Variants in FLNB observed in about 807,000 individuals in gnomAD.
FLNB encodes the protein filamin B, also known as filamin-B.
In FLNB, 111 loss-of-function variants were observed where a neutral mutation model predicts 250.6. The ratio of observed to expected loss-of-function variants is 0.44; its 90% CI spans 0.38 to 0.52. The LOEUF (loss-of-function observed/expected upper bound fraction) is 0.52. FLNB is among the 20% of genes least tolerant of loss of function. The pLI, the probability that FLNB is intolerant of heterozygous loss-of-function variation, is 0.00. For missense variants in FLNB, 2,869 were observed against 3,447.8 expected (o/e 0.83, Z 4.20); for synonymous variants, 1,302 against 1,372.1 (o/e 0.95, Z 1.13).
intron 18 of FLNB, among the ~76,000 whole-genome samples, chr3:58,114,289 A>G (rs2097274169): frequency 6.6e-6 from 1 of 151,948 alleles, no homozygotes; most frequent in African/African-American, 2.4e-5. Context: ...TATTTTTAGT[A>G]TAGATGTTTC....
At position 58,041,733 on chromosome 3, in the gene FLNB, A is replaced by G. The variant is rs1421519856; in HGVS notation, c.292+32877A>G. ...GTTATGTGCTTGGGTCACCTGGGTCATGTTTTTGAAATTGCCTCAAGCCTA... is the reference window on the plus strand; with the variant it reads ...GTTATGTGCTTGGGTCACCTGGGTCGTGTTTTTGAAATTGCCTCAAGCCTA... On this transcript the variant is annotated intron_variant, in intron 1 of 45. Coordinates refer to ENST00000295956, the MANE Select transcript of FLNB (RefSeq NM_001457.4). Among the ~76,000 whole-genome samples, 4 of 152,294 alleles carry G rather than the reference A, an allele frequency of 2.6e-5. No individual in the cohort carries two copies. In the East Asian group the frequency reaches 7.7e-4, roughly 29 times the overall value.
At chr3:58,082,273 A>G (rs78796195) in intron 4 of FLNB, among the ~76,000 whole-genome samples, 9,997 of 152,256 alleles carry the variant, frequency 0.066, 384 homozygotes, top group Admixed American at 0.082. Flanking sequence ...CGTTTTGCTC[A>G]GAACATTATA....
At chr3:58,127,291 G>C (rs2362906) in intron 24 of FLNB, among the ~76,000 whole-genome samples, 1 of 150,440 alleles carries the variant, frequency 6.6e-6, no homozygotes, top group Non-Finnish European at 1.5e-5. Flanking sequence ...GCGCCACTGC[G>C]CTCCAGCTTG....
rs1047406047 is a variant in FLNB at position 58,169,377 on chromosome 3, C to CA, written c.7418-212dup. On this transcript the variant is annotated intron_variant, in intron 44 of 45. Transcript: ENST00000295956. This position sits in a 1 kb window ranked among gnomAD's most constrained non-coding sequence, Gnocchi z 4.8. Reference sequence around the variant, plus strand: ...CTTGTCAGCCAAGGCCAGACTCATCCATTTGCCCAGAAAGCCAGATCCTAG... The same window carrying CA: ...CTTGTCAGCCAAGGCCAGACTCATCCAATTTGCCCAGAAAGCCAGATCCTAG... 1 of 595,426 alleles carries CA rather than the reference C, an allele frequency of 1.7e-6. No individual in the cohort carries two copies. Among genetic ancestry groups the CA allele is most frequent in the African/African-American group, 1.8e-5 (1 of 54,294 alleles). 36.9% of individuals were successfully genotyped at this position (595,426 alleles called of 1,614,324 possible).
At chr3:58,043,570 CGGGTCTTCA>C (rs2097149310) in intron 1 of FLNB, among the ~76,000 whole-genome samples, 1 of 152,128 alleles carries the variant, frequency 6.6e-6, no homozygotes, top group Non-Finnish European at 1.5e-5. Flanking sequence ...AAGTTTCAAA[CGGGTCTTCA>C]GGGTTTGATC....
At chr3:58,078,579 A>AAT in intron 2 of FLNB, 138 bp from the exon 3 acceptor site, 1 of 1,526,250 alleles carries the variant, frequency 6.6e-7, no homozygotes, top group South Asian at 1.2e-5. Context: ...TTGCCTATTA[A>AAT]ATATATGATT....
chr3:58,026,122 C>T (rs969671913), intron 1 of FLNB, among the ~76,000 whole-genome samples: 7 of 152,176 alleles, frequency 4.6e-5, no homozygotes, highest in African/African-American at 1.4e-4. Context: ...TAAGTCTTCA[C>T]GTTAATGCCA....
At chr3:58,029,921 GGA>G (rs1322868964) in intron 1 of FLNB, among the ~76,000 whole-genome samples, 3 of 152,082 alleles carry the variant, frequency 2.0e-5, no homozygotes, top group Non-Finnish European at 2.9e-5. Flanking sequence ...CTATAAACTG[GGA>G]ATAATCATAG....
At chr3:58,021,267 G>A (rs2097113647) in intron 1 of FLNB, among the ~76,000 whole-genome samples, 1 of 152,196 alleles carries the variant, frequency 6.6e-6, no homozygotes, top group Non-Finnish European at 1.5e-5. Context: ...CTGCCTCCCA[G>A]GGGACCTGAG....
chr3:58,106,806 A>G lies in FLNB; in HGVS notation c.1874A>G (p.Glu625Gly), dbSNP rs2097260471. 1 of 1,614,020 alleles carries G rather than the reference A, an allele frequency of 6.2e-7. No individual in the cohort carries two copies. Among genetic ancestry groups the G allele is most frequent in the African/African-American group, 1.3e-5 (1 of 74,912 alleles). The change falls in exon 12 of 46, where the codon GAA becomes GGA. Residue 625 changes from glutamate to glycine, a missense_variant. Physicochemically the swap from Glu to Gly is moderately conservative, Grantham distance 98. Around this residue, in one of 5 missense-constraint regions of FLNB, gnomAD observed 1,348 missense variants for 1,466.7 expected, o/e 0.92. Coordinates refer to ENST00000295956, the MANE Select transcript of FLNB (RefSeq NM_001457.4). ...EYAVHIMCDDEDIKDSPYMAF... is the reference protein window; with the variant it reads ...EYAVHIMCDDGDIKDSPYMAF... ...GCTGTTCACATCATGTGTGACGACG[A>G]AGACATCAAGGACAGCCCGTACATG... is the stretch of plus-strand genomic sequence containing the variant.
At position 58,126,652 on chromosome 3, in the gene FLNB, C is replaced by G. The variant is rs753939290; in HGVS notation, c.4112C>G (p.Ser1371Trp). 1 of 1,613,770 alleles carries G rather than the reference C, an allele frequency of 6.2e-7. No individual in the cohort carries two copies. The highest frequency in any genetic ancestry group is 8.5e-7 in the Non-Finnish European group (1 of 1,179,746). ...ATAACTGTTGAGGGACCATCAGAGT[C>G]GAAGATAAATTGCAGAGACAACAAG... ...LGITVEGPSE[S>W]KINCRDNKDG... The change falls in exon 24 of 46, where the codon TCG becomes TGG. Residue 1371 changes from serine to tryptophan, a missense_variant. By Grantham distance (177) the Ser-to-Trp change is radical (BLOSUM62 -3). Around this residue, in one of 5 missense-constraint regions of FLNB, gnomAD observed 1,348 missense variants for 1,466.7 expected, o/e 0.92. Transcript: ENST00000295956.
At chr3:58,026,950 G>A (rs1490932495) in intron 1 of FLNB, among the ~76,000 whole-genome samples, 1 of 152,102 alleles carries the variant, frequency 6.6e-6, no homozygotes, top group Non-Finnish European at 1.5e-5. Flanking sequence ...TCCATGTGAT[G>A]GGGCAAAAAT....
chr3:58,023,859 A>C (rs1307663166), intron 1 of FLNB, among the ~76,000 whole-genome samples: 4 of 152,184 alleles, frequency 2.6e-5, no homozygotes, highest in African/African-American at 4.8e-5. Flanking sequence ...GTCTCTTAAT[A>C]ATAGTTATTA....
chr3:58,084,149 G>A (rs899431928), intron 4 of FLNB, among the ~76,000 whole-genome samples: 12 of 148,062 alleles, frequency 8.1e-5, no homozygotes, highest in Middle Eastern at 3.5e-3. Flanking sequence ...CCGAGATCGC[G>A]CCACTGCACT....
At chr3:58,033,798 T>C (rs982098342) in intron 1 of FLNB, among the ~76,000 whole-genome samples, 1 of 152,248 alleles carries the variant, frequency 6.6e-6, no homozygotes, top group Admixed American at 6.5e-5. Context: ...TAGTAGTCCA[T>C]TGTATGGATA....
intron 38 of FLNB, chr3:58,152,735 A>C (rs756347011): frequency 7.5e-7 from 1 of 1,338,696 alleles, no homozygotes; most frequent in Admixed American, 1.9e-5. Flanking sequence ...TGCTCTGCCC[A>C]GATCCTGTGG....
At chr3:58,026,978 C>T (rs930642183) in intron 1 of FLNB, among the ~76,000 whole-genome samples, 31 of 152,108 alleles carry the variant, frequency 2.0e-4, no homozygotes, top group African/African-American at 6.5e-4. Flanking sequence ...ACTTGCACAA[C>T]GGCTTTTGTT....
At chr3:58,168,812 T>G in intron 44 of FLNB, 154 bp downstream of exon 44, 1 of 695,830 alleles carries the variant, frequency 1.4e-6, no homozygotes, top group Non-Finnish European at 2.6e-6. Context: ...GAGGGCAGTG[T>G]TTGAAACTTA....
rs2097348587 is a variant in FLNB at position 58,153,449 on chromosome 3, A to G, written c.6442A>G (p.Met2148Val). 8 of 1,614,086 alleles carry G rather than the reference A, an allele frequency of 5.0e-6. No individual in the cohort carries two copies. Among genetic ancestry groups the G allele is most frequent in the Non-Finnish European group, 6.8e-6 (8 of 1,180,046 alleles). ...TGTGACTGAGGCAGAGATTGTGCCC[A>G]TGGGGAAGAACTCACACTGCGTCCG... ...GRVTEAEIVP[M>V]GKNSHCVRFV... Residue 2148 changes from methionine (M) to valine (V), a missense_variant, in exon 39 of 46, where the codon ATG becomes GTG. By Grantham distance (21) the Met-to-Val change is conservative. Transcript: ENST00000295956.
Sources: gnomAD v4.1 joint callset for allele counts (sites outside exome capture counted in the v4.1 genomes callset) on GRCh38, gnomAD v4.1.1 for gene constraint, gnomAD v4.1.1 regional missense constraint, Gnocchi (gnomAD v3.1) non-coding constraint, MANE v1.5 for transcripts, NCBI Gene and HGNC (gene_info 2026-07-23, HGNC 2026-07-21) for gene names.